The following KIRREL3 variants were observed in gnomAD, a reference collection of about 807,000 sequenced individuals.
KIRREL3 encodes kin of IRRE-like protein 3.
In KIRREL3, 36 loss-of-function variants were observed where a neutral mutation model predicts 89.7. The observed-to-expected ratio is 0.40, with a 90% confidence interval of 0.31 to 0.53. The LOEUF (loss-of-function observed/expected upper bound fraction) is 0.53, where lower values mean the gene tolerates loss of function less well. Among genes scored for constraint, KIRREL3 ranks in the 20% least tolerant of loss-of-function variants. The pLI is 0.49. For synonymous variants in KIRREL3, 445 were observed against 441.4 expected, an observed-to-expected ratio of 1.01 and a Z score of -0.10; for missense variants, 864 against 1,056.6, an observed-to-expected ratio of 0.82 and a Z score of 2.53.
At chr11:126,586,076 C>T (rs534630771) in intron 1 of KIRREL3, among the ~76,000 whole-genome samples, 1 of 152,164 alleles carries the variant, frequency 6.6e-6, no homozygotes, top group African/African-American at 2.4e-5. Context: ...TCTATTGGAG[C>T]GCATTACTCA....
At position 126,836,732 on chromosome 11, in the gene KIRREL3, G is replaced by A. The variant is rs1485701861; in HGVS notation, c.55+163723C>T. Reference sequence around the variant, plus strand: ...GTTATCATCTCCTAGTGCACAAGGTGGACGTTATCCAGGGGGATGAAGCAT... The same window carrying A: ...GTTATCATCTCCTAGTGCACAAGGTAGACGTTATCCAGGGGGATGAAGCAT... On this transcript the variant is annotated intron_variant, in intron 1 of 16. Coordinates refer to ENST00000525144, the MANE Select transcript of KIRREL3 (RefSeq NM_032531.4). 2.0e-5 allele frequency among the ~76,000 whole-genome samples: 3 copies of A among 152,272 alleles called. No individual in the cohort carries two copies. The East Asian group carries it at 5.8e-4, about 29-fold the overall frequency.
At chr11:126,586,072 G>A (rs1332849502) in intron 1 of KIRREL3, among the ~76,000 whole-genome samples, 2 of 152,074 alleles carry the variant, frequency 1.3e-5, no homozygotes, top group African/African-American at 4.8e-5. Flanking sequence ...ACTCTCTATT[G>A]GAGCGCATTA....
chr11:126,834,049 A>G (rs1395181869), intron 1 of KIRREL3, among the ~76,000 whole-genome samples: 1 of 152,186 alleles, frequency 6.6e-6, no homozygotes, highest in Non-Finnish European at 1.5e-5. Flanking sequence ...TTTGTCTTCT[A>G]TTCATTTAAG....
In KIRREL3 at chr11:126,620,168, T is replaced by C. The variant is rs1262926248; in HGVS notation, c.56-57256A>G. ...AAAAACCAAACAACAAAAACAAGGC[T>C]ACTTTCTTCCTTCTTAAAATTTTTC... On this transcript the variant is annotated intron_variant, in intron 1 of 16. Transcript: ENST00000525144. The surrounding 1 kb of genome is among the most constrained non-coding windows in gnomAD (Gnocchi z 4.8). 6.7e-6 allele frequency among the ~76,000 whole-genome samples: 1 copy of C among 149,484 alleles called. No individual in the cohort carries two copies. The highest frequency in any genetic ancestry group is 2.4e-5 in the African/African-American group (1 of 40,940).
intron 1 of KIRREL3, among the ~76,000 whole-genome samples, chr11:126,920,824 T>C (rs1439518878): frequency 6.6e-6 from 1 of 152,222 alleles, no homozygotes; most frequent in East Asian, 1.9e-4. Context: ...TAGGTCACTT[T>C]ACAATTGGCC....
chr11:126,796,158 A>G lies in KIRREL3; in HGVS notation c.55+204297T>C, dbSNP rs1950803578. Among the ~76,000 whole-genome samples the G allele has an allele frequency of 6.6e-6, 1 of 152,006 alleles. No individual in the cohort carries two copies. Among genetic ancestry groups the G allele is most frequent in the African/African-American group, 2.4e-5 (1 of 41,388 alleles). ...AGTTGGAATCCTGAACATTCTTTTCAGTCTCTAGAGGTCATGAAGGGAAGA... is the reference window on the plus strand; with the variant it reads ...AGTTGGAATCCTGAACATTCTTTTCGGTCTCTAGAGGTCATGAAGGGAAGA... On this transcript the variant is annotated intron_variant, in intron 1 of 16. Coordinates refer to ENST00000525144, the MANE Select transcript of KIRREL3 (RefSeq NM_032531.4). This position sits in a 1 kb window ranked among gnomAD's most constrained non-coding sequence, Gnocchi z 5.1.
Position 126,772,913 on chromosome 11 carries a change from C to T in KIRREL3, c.56-210001G>A, listed in dbSNP as rs529841497. On this transcript the variant is annotated intron_variant, in intron 1 of 16. Transcript: ENST00000525144. The surrounding 1 kb of genome is among the most constrained non-coding windows in gnomAD (Gnocchi z 4.6). Reference sequence around the variant, plus strand: ...CCAACAATCTCCCCAGTGATTCTTACGGACATCAGGACTGAGGTCCTGGGG... The same window carrying T: ...CCAACAATCTCCCCAGTGATTCTTATGGACATCAGGACTGAGGTCCTGGGG... Among the ~76,000 whole-genome samples the T allele has an allele frequency of 1.5e-4, 23 of 152,300 alleles. No individual in the cohort carries two copies. The highest frequency in any genetic ancestry group is 9.7e-4 in the East Asian group (5 of 5,170).
intron 1 of KIRREL3, among the ~76,000 whole-genome samples, chr11:126,573,428 C>A (rs1038615656): frequency 2.0e-5 from 3 of 152,122 alleles, no homozygotes; most frequent in Non-Finnish European, 2.9e-5. Flanking sequence ...ATCTCCCCAA[C>A]AGCAGAGCCA....
At position 126,997,676 on chromosome 11, in the gene KIRREL3, G is replaced by C. The variant is rs1473179225; in HGVS notation, c.55+2779C>G. On this transcript the variant is annotated intron_variant, in intron 1 of 16. Coordinates refer to ENST00000525144, the MANE Select transcript of KIRREL3 (RefSeq NM_032531.4). This position sits in a 1 kb window ranked among gnomAD's most constrained non-coding sequence, Gnocchi z 4.3. ...CAAATTAGGAAGAAAAGGATGGCTG[G>C]AACGGACTTTAAGAGTTTATTTGTA... Among the ~76,000 whole-genome samples the C allele has an allele frequency of 6.6e-6, 1 of 152,160 alleles. No individual in the cohort carries two copies. The highest frequency in any genetic ancestry group is 1.5e-5 in the Non-Finnish European group (1 of 68,024).
In KIRREL3 at chr11:126,742,075, C is replaced by T. The variant is rs1050356520; in HGVS notation, c.56-179163G>A. ...TAGAACACATGTGAAACTCTATTTA[C>T]ACCAAGCTTTAAATTGAACTTCCCA... On this transcript the variant is annotated intron_variant, in intron 1 of 16. Coordinates refer to ENST00000525144, the MANE Select transcript of KIRREL3 (RefSeq NM_032531.4). The surrounding 1 kb of genome is among the most constrained non-coding windows in gnomAD (Gnocchi z 5.3). Among the ~76,000 whole-genome samples the T allele has an allele frequency of 1.3e-5, 2 of 152,222 alleles. No individual in the cohort carries two copies. Among genetic ancestry groups the T allele is most frequent in the African/African-American group, 4.8e-5 (2 of 41,448 alleles).
chr11:126,775,636 T>C (rs1277992362), intron 1 of KIRREL3, among the ~76,000 whole-genome samples: 1 of 152,166 alleles, frequency 6.6e-6, no homozygotes, highest in South Asian at 2.1e-4. Context: ...TCCCGGTGCA[T>C]AGTAGGTGCT....
rs944953356 is a variant in KIRREL3 at position 126,541,387 on chromosome 11, T to G, written c.134-14700A>C. Among the ~76,000 whole-genome samples the G allele has an allele frequency of 5.7e-4, 87 of 151,840 alleles. No homozygotes were observed. The highest frequency in any genetic ancestry group is 1.9e-3 in the African/African-American group (80 of 41,376). On this transcript the variant is annotated intron_variant, in intron 2 of 16. Transcript: ENST00000525144. The surrounding 1 kb of genome is among the most constrained non-coding windows in gnomAD (Gnocchi z 4.8). Reference sequence around the variant, plus strand: ...GCTTGATGTTCTAACTTATCCAAAATCCTATTTCGGGGGTGGGGGGTGGTC... The same window carrying G: ...GCTTGATGTTCTAACTTATCCAAAAGCCTATTTCGGGGGTGGGGGGTGGTC...
chr11:126,544,178 G>A lies in KIRREL3; in HGVS notation c.134-17491C>T, dbSNP rs75415608. ...TCAACCCCCCTCTCCTAAACGCAAC[G>A]ATATTTGGTAACATGCGGCATCTTG... On this transcript the variant is annotated intron_variant, in intron 2 of 16. Coordinates refer to ENST00000525144, the MANE Select transcript of KIRREL3 (RefSeq NM_032531.4). This position sits in a 1 kb window ranked among gnomAD's most constrained non-coding sequence, Gnocchi z 5.6. 17,175 of 152,264 alleles carry A rather than the reference G, an allele frequency of 0.11. 1,078 individuals carry two copies. The highest frequency in any genetic ancestry group is 0.16 in the Admixed American group (2,449 of 15,292). The allele number at this position is 152,264 out of a possible 1,614,324, so 9.4% of individuals were successfully genotyped here.
rs905773027 is a variant in KIRREL3, at chr11:126,652,678, A to C, written c.56-89766T>G. Reference sequence around the variant, plus strand: ...CCTTCTGTAATCCCCACAGTCTCCCAAACATCAATGCTGTCATTACAACCC... The same window carrying C: ...CCTTCTGTAATCCCCACAGTCTCCCCAACATCAATGCTGTCATTACAACCC... On this transcript the variant is annotated intron_variant, in intron 1 of 16. Transcript: ENST00000525144. This position sits in a 1 kb window ranked among gnomAD's most constrained non-coding sequence, Gnocchi z 4.9. Among the ~76,000 whole-genome samples, 2 of 152,108 alleles carry C rather than the reference A, an allele frequency of 1.3e-5. No homozygotes were observed. The highest frequency in any genetic ancestry group is 4.8e-5 in the African/African-American group (2 of 41,398).
chr11:126,678,531 C>T (rs552273022), intron 1 of KIRREL3, among the ~76,000 whole-genome samples: 6 of 130,390 alleles, frequency 4.6e-5, no homozygotes, highest in South Asian at 5.2e-4. Flanking sequence ...ACCTGGGAGA[C>T]GGAGCTTACA....
chr11:126,435,189 C>A (rs188475414), intron 13 of KIRREL3, 79 bp downstream of exon 13: 220 of 1,474,416 alleles, frequency 1.5e-4, no homozygotes, highest in Non-Finnish European at 1.8e-4. Flanking sequence ...CTCCCTACCC[C>A]CTGCTGGGTT....
At chr11:126,548,477 G>A (rs543715939) in intron 2 of KIRREL3, among the ~76,000 whole-genome samples, 3 of 152,340 alleles carry the variant, frequency 2.0e-5, no homozygotes, top group Admixed American at 2.0e-4. Context: ...CCCACCGCTT[G>A]GGTGCCCTAG....
intron 2 of KIRREL3, among the ~76,000 whole-genome samples, chr11:126,556,722 T>C (rs1939734466): frequency 6.6e-6 from 1 of 151,966 alleles, no homozygotes; most frequent in African/African-American, 2.4e-5. Context: ...GTAGGAAAGG[T>C]GGCTGGAGGA....
At chr11:126,675,622 A>G (rs534598483) in intron 1 of KIRREL3, among the ~76,000 whole-genome samples, 19 of 152,308 alleles carry the variant, frequency 1.2e-4, no homozygotes, top group African/African-American at 4.3e-4. Flanking sequence ...CCCAATGCCT[A>G]CTGTCGTTGC....
Sources: allele counts gnomAD v4.1 joint callset (sites outside exome capture counted in the v4.1 genomes callset), GRCh38; gene constraint gnomAD v4.1.1; non-coding constraint Gnocchi (gnomAD v3.1); transcripts MANE v1.5; gene names NCBI Gene and HGNC (gene_info 2026-07-23, HGNC 2026-07-21).